The following SOX1 variants were observed in gnomAD, a reference collection of about 807,000 sequenced individuals.
SOX1 encodes the protein transcription factor SOX-1.
Under a neutral mutation model 0.9 loss-of-function variants are expected in SOX1, and 1 was observed. That is an observed-to-expected ratio of 1.07 (90% confidence interval 0.38 to 5.06). The LOEUF is 5.06. Ranked by LOEUF, SOX1 falls within the 30% of genes most tolerant of loss-of-function variation. The probability of loss-of-function intolerance (pLI) is 0.16; values close to 1 mark genes in which losing one functional copy is unlikely to be tolerated. For missense variants in SOX1, 564 were observed against 534.4 expected, an observed-to-expected ratio of 1.06 and a Z score of -0.55; for synonymous variants, 397 against 265.5, an observed-to-expected ratio of 1.50 and a Z score of -4.81.
In SOX1 at chr13:112,069,816, G is replaced by A. The variant is rs188805511; in HGVS notation, c.*982G>A. On this transcript the variant is annotated 3_prime_UTR_variant, in exon 1 of 1. Transcript: ENST00000330949. ...AAAGAGAAGGAAGTTAAAACCTATA[G>A]GTTATTTTGTAGAGCTGAGTGTTAA... 12 of 167,212 alleles carry A rather than the reference G, an allele frequency of 7.2e-5. No homozygotes were observed. The highest frequency in any genetic ancestry group is 2.6e-4 in the African/African-American group (11 of 41,578). The allele number at this position is 167,212 out of a possible 1,614,324, so 10.4% of individuals were successfully genotyped here.
rs1473511404 is a variant in SOX1, at chr13:112,068,861, G to A, written c.*27G>A. ...GCCTTCGGGACGCCGGGGACTCTGC[G>A]GCGGCGACCCACGAGCTCGCGGCCC... On this transcript the variant is annotated 3_prime_UTR_variant, in exon 1 of 1. Coordinates refer to ENST00000330949, the MANE Select transcript of SOX1 (RefSeq NM_005986.3). This position sits in a 1 kb window ranked among gnomAD's most constrained non-coding sequence, Gnocchi z 6.9. The A allele has an allele frequency of 7.5e-6, 9 of 1,204,166 alleles. No individual in the cohort carries two copies. The highest frequency in any genetic ancestry group is 3.6e-5 in the East Asian group (1 of 27,630). 74.6% of individuals were successfully genotyped at this position (1,204,166 alleles called of 1,614,324 possible).
chr13:112,068,896 T>TCCCGC lies in SOX1; in HGVS notation c.*72_*76dup, dbSNP rs1266930508. The TCCCGC allele has an allele frequency of 4.4e-5, 51 of 1,162,754 alleles. No individual in the cohort carries two copies. The highest frequency in any genetic ancestry group is 8.7e-5 in the South Asian group (2 of 22,878). 72.0% of individuals were successfully genotyped at this position (1,162,754 alleles called of 1,614,324 possible). A position where few individuals can be genotyped will look rare whatever the true frequency, so the allele number is the denominator to read the frequency against. Reference sequence around the variant, plus strand: ...CACGAGCTCGCGGCCCGCGCCCGGCTCCCGCCCCGCCCCGGCGCGGCGTGG... The same window carrying TCCCGC: ...CACGAGCTCGCGGCCCGCGCCCGGCTCCCGCCCCGCCCCGCCCCGGCGCGGCGTGG... On this transcript the variant is annotated 3_prime_UTR_variant, in exon 1 of 1. Coordinates refer to ENST00000330949, the MANE Select transcript of SOX1 (RefSeq NM_005986.3). This position sits in a 1 kb window ranked among gnomAD's most constrained non-coding sequence, Gnocchi z 6.9.
Position 112,068,908 on chromosome 13 carries a change from C to T in SOX1, c.*74C>T, listed in dbSNP as rs1327440551. On this transcript the variant is annotated 3_prime_UTR_variant, in exon 1 of 1. Coordinates refer to ENST00000330949, the MANE Select transcript of SOX1 (RefSeq NM_005986.3). The surrounding 1 kb of genome is among the most constrained non-coding windows in gnomAD (Gnocchi z 6.9). Reference sequence around the variant, plus strand: ...GCCCGCGCCCGGCTCCCGCCCCGCCCCGGCGCGGCGTGGCTTTTGTACAGA... The same window carrying T: ...GCCCGCGCCCGGCTCCCGCCCCGCCTCGGCGCGGCGTGGCTTTTGTACAGA... 2 of 1,125,156 alleles carry T rather than the reference C, an allele frequency of 1.8e-6. No homozygotes were observed. The highest frequency in any genetic ancestry group is 3.3e-5 in the African/African-American group (2 of 60,848). 69.7% of individuals were successfully genotyped at this position (1,125,156 alleles called of 1,614,324 possible).
At position 112,070,866 on chromosome 13, in the gene SOX1, CTCTTTT is replaced by C. The variant is rs1465126220; in HGVS notation, c.*2033_*2038del. ...TCTAACAAGATAATAAACCCCCCCC[CTCTTTT>C]CTTTTTCTTTATTTTTATTTCTTTT... is the stretch of plus-strand genomic sequence containing the variant. On this transcript the variant is annotated 3_prime_UTR_variant, in exon 1 of 1. Coordinates refer to ENST00000330949, the MANE Select transcript of SOX1 (RefSeq NM_005986.3). 2.0e-5 allele frequency among the ~76,000 whole-genome samples: 3 copies of C among 149,546 alleles called. No homozygotes were observed. The highest frequency in any genetic ancestry group is 4.4e-5 in the Non-Finnish European group (3 of 67,796).
At position 112,067,608 on chromosome 13, in the gene SOX1, T is replaced by A. The variant is rs748151218; in HGVS notation, c.-51T>A. 1 of 1,088,064 alleles carries A rather than the reference T, an allele frequency of 9.2e-7. No homozygotes were observed. The highest frequency in any genetic ancestry group is 3.7e-5 in the South Asian group (1 of 26,842). 67.4% of individuals were successfully genotyped at this position (1,088,064 alleles called of 1,614,324 possible). On this transcript the variant is annotated 5_prime_UTR_variant, in exon 1 of 1. Coordinates refer to ENST00000330949, the MANE Select transcript of SOX1 (RefSeq NM_005986.3). This position sits in a 1 kb window ranked among gnomAD's most constrained non-coding sequence, Gnocchi z 5.1. Reference sequence around the variant, plus strand: ...CCGTCTCCCTCCCACCCCGGCCGTCTATGCTCCAGGCCCTCTCCTCGCGGT... The same window carrying A: ...CCGTCTCCCTCCCACCCCGGCCGTCAATGCTCCAGGCCCTCTCCTCGCGGT...
In SOX1 at chr13:112,069,979, G is replaced by A. The variant is rs1880844764; in HGVS notation, c.*1145G>A. ...TGCGCCACAGTTTGGTCCAGAGGAG[G>A]GAGGAGGAAGGGAAGACCCCAGTGG... is the stretch of plus-strand genomic sequence containing the variant. On this transcript the variant is annotated 3_prime_UTR_variant, in exon 1 of 1. Transcript: ENST00000330949. The A allele has an allele frequency of 1.2e-5, 2 of 167,166 alleles. No individual in the cohort carries two copies. Among genetic ancestry groups the A allele is most frequent in the Admixed American group, 6.5e-5 (1 of 15,292 alleles). 10.4% of individuals were successfully genotyped at this position (167,166 alleles called of 1,614,324 possible).
rs1338399738 is a variant in SOX1 at position 112,068,140 on chromosome 13, TGGGCGC to T, written c.485_490del (p.Gly162_Ala163del). 3.0e-6 allele frequency: 3 copies of T among 984,840 alleles called. No individual in the cohort carries two copies. Among genetic ancestry groups the T allele is most frequent in the Admixed American group, 5.5e-5 (1 of 18,310 alleles). The allele number at this position is 984,840 out of a possible 1,614,324, so 61.0% of individuals were successfully genotyped here. ...GTGGCCATGGGCGTGGGCGTGGGCG[TGGGCGC>T]GGCGGCCGTGGGCCAGCGCCTGGAG... On this transcript the variant is annotated inframe_deletion, in exon 1 of 1. Transcript: ENST00000330949. The surrounding 1 kb of genome is among the most constrained non-coding windows in gnomAD (Gnocchi z 6.9).
Position 112,067,560 on chromosome 13 carries a change from TCTCA to T in SOX1, c.-95_-92del. 2.5e-6 allele frequency: 1 copy of T among 402,450 alleles called. No homozygotes were observed. The highest frequency in any genetic ancestry group is 3.4e-6 in the Non-Finnish European group (1 of 291,068). 24.9% of individuals were successfully genotyped at this position (402,450 alleles called of 1,614,324 possible). A position where few individuals can be genotyped will look rare whatever the true frequency, so the allele number is the denominator to read the frequency against. On this transcript the variant is annotated 5_prime_UTR_variant, in exon 1 of 1. Coordinates refer to ENST00000330949, the MANE Select transcript of SOX1 (RefSeq NM_005986.3). The surrounding 1 kb of genome is among the most constrained non-coding windows in gnomAD (Gnocchi z 5.1). The stretch of plus-strand genomic sequence containing the variant: ...CTCCGCTAGGACCCCCCCGCCCCCG[TCTCA>T]CTCCGTCTGAATTCCTCTCCGTCTC...
rs1346565380 is a variant in SOX1, at chr13:112,070,505, T to A, written c.*1671T>A. 1 of 166,952 alleles carries A rather than the reference T, an allele frequency of 6.0e-6. No individual in the cohort carries two copies. Among genetic ancestry groups the A allele is most frequent in the Non-Finnish European group, 1.5e-5 (1 of 68,116 alleles). 10.3% of individuals were successfully genotyped at this position (166,952 alleles called of 1,614,324 possible). On this transcript the variant is annotated 3_prime_UTR_variant, in exon 1 of 1. Coordinates refer to ENST00000330949, the MANE Select transcript of SOX1 (RefSeq NM_005986.3). ...TAAAAATTATACTGTAGCAAATACA[T>A]TTAAAAATTAATCACAACGTTAAGA...
chr13:112,068,855 C>T lies in SOX1; in HGVS notation c.*21C>T, dbSNP rs1880808656. On this transcript the variant is annotated 3_prime_UTR_variant, in exon 1 of 1. Coordinates refer to ENST00000330949, the MANE Select transcript of SOX1 (RefSeq NM_005986.3). This position sits in a 1 kb window ranked among gnomAD's most constrained non-coding sequence, Gnocchi z 6.9. Reference sequence around the variant, plus strand: ...TCTAGCGCCTTCGGGACGCCGGGGACTCTGCGGCGGCGACCCACGAGCTCG... The same window carrying T: ...TCTAGCGCCTTCGGGACGCCGGGGATTCTGCGGCGGCGACCCACGAGCTCG... 2.5e-6 allele frequency: 3 copies of T among 1,207,556 alleles called. No homozygotes were observed. In the African/African-American group the frequency reaches 4.8e-5, roughly 19 times the overall value. 74.8% of individuals were successfully genotyped at this position (1,207,556 alleles called of 1,614,324 possible).
chr13:112,067,671 A>G lies in SOX1; in HGVS notation c.13A>G (p.Met5Val). The change falls in exon 1 of 1, where the codon ATG becomes GTG. Residue 5 changes from methionine (M) to valine (V), a missense_variant. Transcript: ENST00000330949. The surrounding 1 kb of genome is among the most constrained non-coding windows in gnomAD (Gnocchi z 5.1). Reference protein sequence around the residue: MYSMMMETDLHSPGG... With the variant: MYSMVMETDLHSPGG... ...GCCAGCCGCCCCGATGTACAGCATGATGATGGAGACCGACCTGCACTCGCC... is the reference window on the plus strand; with the variant it reads ...GCCAGCCGCCCCGATGTACAGCATGGTGATGGAGACCGACCTGCACTCGCC... 7.8e-7 allele frequency: 1 copy of G among 1,275,266 alleles called. No homozygotes were observed. The highest frequency in any genetic ancestry group is 1.0e-6 in the Non-Finnish European group (1 of 999,802). 79.0% of individuals were successfully genotyped at this position (1,275,266 alleles called of 1,614,324 possible). A position where few individuals can be genotyped will look rare whatever the true frequency, so the allele number is the denominator to read the frequency against.
Position 112,068,721 on chromosome 13 carries a change from G to C in SOX1, c.1063G>C (p.Asp355His). The change falls in exon 1 of 1, where the codon GAC becomes CAC. Residue 355 changes from aspartate (D) to histidine (H), a missense_variant. By Grantham distance (81) the Asp-to-His change is moderately conservative (BLOSUM62 -1). Transcript: ENST00000330949. The surrounding 1 kb of genome is among the most constrained non-coding windows in gnomAD (Gnocchi z 6.9). Reference sequence around the variant, plus strand: ...GTACTTGCCCGCCGGCGAGGGGGGCGACCCGGCGGCGGCAGCAGCGGCCGC... The same window carrying C: ...GTACTTGCCCGCCGGCGAGGGGGGCCACCCGGCGGCGGCAGCAGCGGCCGC... ...SMYLPAGEGG[D>H]PAAAAAAAAQ... The C allele has an allele frequency of 1.7e-6, 2 of 1,185,148 alleles. No individual in the cohort carries two copies. The highest frequency in any genetic ancestry group is 2.1e-6 in the Non-Finnish European group (2 of 958,404). 73.4% of individuals were successfully genotyped at this position (1,185,148 alleles called of 1,614,324 possible).
chr13:112,068,440 A>G lies in SOX1; in HGVS notation c.782A>G (p.Asn261Ser). The change falls in exon 1 of 1, where the codon AAC (asparagine) becomes AGC (serine). Residue 261 changes from asparagine (N) to serine (S), a missense_variant. By Grantham distance (46) the Asn-to-Ser change is conservative. Transcript: ENST00000330949. The surrounding 1 kb of genome is among the most constrained non-coding windows in gnomAD (Gnocchi z 6.9). ...MGALQYSPIS[N>S]SQGYMSASPS... ...GCGCTGCAGTACAGCCCCATCTCCA[A>G]CTCGCAGGGCTACATGAGCGCGTCG... 1.6e-6 allele frequency: 2 copies of G among 1,232,428 alleles called. No homozygotes were observed. Among genetic ancestry groups the G allele is most frequent in the South Asian group, 1.5e-5 (1 of 67,752 alleles). 76.3% of individuals were successfully genotyped at this position (1,232,428 alleles called of 1,614,324 possible).
At position 112,068,375 on chromosome 13, in the gene SOX1, C is replaced by T. The variant is rs1321310034; in HGVS notation, c.717C>T (p.His239=). ...AHPHPHHPHA[H]PHNPQPMHRY... is the part of the protein sequence containing the mutation. ...CGCACCCGCACCACCCGCACGCGCA[C>T]CCGCACAACCCGCAGCCCATGCACC... is the stretch of plus-strand genomic sequence containing the variant. Residue 239 remains histidine (H), a synonymous_variant, in exon 1 of 1, where the codon CAC becomes CAT. Coordinates refer to ENST00000330949, the MANE Select transcript of SOX1 (RefSeq NM_005986.3). The surrounding 1 kb of genome is among the most constrained non-coding windows in gnomAD (Gnocchi z 6.9). 3 of 1,279,194 alleles carry T rather than the reference C, an allele frequency of 2.3e-6. No homozygotes were observed. Among genetic ancestry groups the T allele is most frequent in the Non-Finnish European group, 3.0e-6 (3 of 992,336 alleles). The allele number at this position is 1,279,194 out of a possible 1,614,324, so 79.2% of individuals were successfully genotyped here.
In SOX1 at chr13:112,069,194, C is replaced by G. The variant is rs1046429084; in HGVS notation, c.*360C>G. On this transcript the variant is annotated 3_prime_UTR_variant, in exon 1 of 1. Coordinates refer to ENST00000330949, the MANE Select transcript of SOX1 (RefSeq NM_005986.3). ...GCGAAGCCCACTTTTGTATACCGGC[C>G]GGCGCGCTCACTTTCCTCCGCGTTG... 1.2e-5 allele frequency: 2 copies of G among 169,522 alleles called. No individual in the cohort carries two copies. Among genetic ancestry groups the G allele is most frequent in the African/African-American group, 4.8e-5 (2 of 41,622 alleles). 10.5% of individuals were successfully genotyped at this position (169,522 alleles called of 1,614,324 possible).
rs1880848030 is a variant in SOX1, at chr13:112,070,099, A to T, written c.*1265A>T. On this transcript the variant is annotated 3_prime_UTR_variant, in exon 1 of 1. Transcript: ENST00000330949. ...GCAATTAAGATTTCGAGCAGAATTTATCTAAATGTGTTTCAAGGAAACACA... is the reference window on the plus strand; with the variant it reads ...GCAATTAAGATTTCGAGCAGAATTTTTCTAAATGTGTTTCAAGGAAACACA... 6.0e-6 allele frequency: 1 copy of T among 167,222 alleles called. No individual in the cohort carries two copies. The highest frequency in any genetic ancestry group is 1.5e-5 in the Non-Finnish European group (1 of 68,128). The allele number at this position is 167,222 out of a possible 1,614,324, so 10.4% of individuals were successfully genotyped here.
In SOX1 at chr13:112,068,359, A is replaced by C; in HGVS notation, c.701A>C (p.His234Pro). 13 of 1,258,238 alleles carry C rather than the reference A, an allele frequency of 1.0e-5. No individual in the cohort carries two copies. Among genetic ancestry groups the C allele is most frequent in the Non-Finnish European group, 1.3e-5 (13 of 981,158 alleles). 77.9% of individuals were successfully genotyped at this position (1,258,238 alleles called of 1,614,324 possible). A position where few individuals can be genotyped will look rare whatever the true frequency, so the allele number is the denominator to read the frequency against. Residue 234 changes from histidine (H) to proline (P), a missense_variant, in exon 1 of 1, where the codon CAC becomes CCC. His to Pro is a moderately conservative substitution (Grantham distance 77). Transcript: ENST00000330949. The surrounding 1 kb of genome is among the most constrained non-coding windows in gnomAD (Gnocchi z 6.9). ...GCGCACCCCGCGCACCCGCACCCGC[A>C]CCACCCGCACGCGCACCCGCACAAC... ...PHAHPAHPHP[H>P]HPHAHPHNPQ...
In SOX1 at chr13:112,067,675, T is replaced by C; in HGVS notation, c.17T>C (p.Met6Thr). 6 of 1,271,028 alleles carry C rather than the reference T, an allele frequency of 4.7e-6. No individual in the cohort carries two copies. Among genetic ancestry groups the C allele is most frequent in the Non-Finnish European group, 6.0e-6 (6 of 997,278 alleles). The allele number at this position is 1,271,028 out of a possible 1,614,324, so 78.7% of individuals were successfully genotyped here. Residue 6 changes from methionine to threonine, a missense_variant, in exon 1 of 1, where the codon ATG becomes ACG. Physicochemically the swap from Met to Thr is moderately conservative, Grantham distance 81. Transcript: ENST00000330949. This position sits in a 1 kb window ranked among gnomAD's most constrained non-coding sequence, Gnocchi z 5.1. ...GCCGCCCCGATGTACAGCATGATGA[T>C]GGAGACCGACCTGCACTCGCCCGGC... MYSMM[M>T]ETDLHSPGGA...
rs972356642 is a variant in SOX1 at position 112,069,104 on chromosome 13, C to T, written c.*270C>T. ...AGACTTTTTGTACAGTATTTATCACCTACGGAGGAAGCGGAAAGCGTTTTC... is the reference window on the plus strand; with the variant it reads ...AGACTTTTTGTACAGTATTTATCACTTACGGAGGAAGCGGAAAGCGTTTTC... On this transcript the variant is annotated 3_prime_UTR_variant, in exon 1 of 1. Coordinates refer to ENST00000330949, the MANE Select transcript of SOX1 (RefSeq NM_005986.3). 16 of 224,440 alleles carry T rather than the reference C, an allele frequency of 7.1e-5. No individual in the cohort carries two copies. Among genetic ancestry groups the T allele is most frequent in the African/African-American group, 3.7e-4 (16 of 43,308 alleles). 13.9% of individuals were successfully genotyped at this position (224,440 alleles called of 1,614,324 possible).
Sources: gnomAD v4.1 joint callset for allele counts (sites outside exome capture counted in the v4.1 genomes callset) on GRCh38, gnomAD v4.1.1 for gene constraint, Gnocchi (gnomAD v3.1) non-coding constraint, MANE v1.5 for transcripts, NCBI Gene and HGNC (gene_info 2026-07-23, HGNC 2026-07-21) for gene names.